COL20A1: variants seen among roughly 807,000 people sequenced by gnomAD.
COL20A1 encodes collagen alpha-1(XX) chain.
A neutral mutation model predicts 152.9 loss-of-function variants in COL20A1; 164 were observed. The ratio of observed to expected loss-of-function variants is 1.07; its 90% CI spans 0.94 to 1.22. COL20A1 has a LOEUF of 1.22. Among genes scored for constraint, COL20A1 ranks in the 50% most tolerant of loss-of-function variants. The pLI, the probability that COL20A1 is intolerant of heterozygous loss-of-function variation, is 0.00. For synonymous variants in COL20A1, 864 were observed against 756.0 expected, an observed-to-expected ratio of 1.14 and a Z score of -2.34; for missense variants, 1,873 against 1,744.8, an observed-to-expected ratio of 1.07 and a Z score of -1.31.
rs1053124151 is a variant in COL20A1 at position 63,319,770 on chromosome 20, G to A, written c.2916+174G>A. 1.1e-4 allele frequency among the ~76,000 whole-genome samples: 17 copies of A among 152,104 alleles called. 1 individual carries two copies. The highest frequency in any genetic ancestry group is 3.6e-4 in the African/African-American group (15 of 41,422). ...CCCCAGCTCTTCCATCTTAATTGGAGTTGAAGAGCCTCCCAGCCCATCTCT... is the reference window on the plus strand; with the variant it reads ...CCCCAGCTCTTCCATCTTAATTGGAATTGAAGAGCCTCCCAGCCCATCTCT... On this transcript the variant is annotated intron_variant, in intron 23 of 35. Coordinates refer to ENST00000358894, the MANE Select transcript of COL20A1 (RefSeq NM_020882.4). The surrounding 1 kb of genome is among the most constrained non-coding windows in gnomAD (Gnocchi z 4.4).
At chr20:63,314,272 C>A in intron 19 of COL20A1, 71 bp downstream of exon 19, 1 of 1,371,976 alleles carries the variant, frequency 7.3e-7, no homozygotes, top group Non-Finnish European at 1.0e-6. Context: ...CAGACCCTGC[C>A]AGCTCCAGAC....
intron 31 of COL20A1, 146 bp from the exon 32 acceptor site, chr20:63,327,806 T>A: frequency 2.5e-6 from 2 of 785,430 alleles, no homozygotes; most frequent in Non-Finnish European, 4.2e-6. Flanking sequence ...GCTCCTAGGA[T>A]CTGGGAATTT....
At chr20:63,307,214 T>C (rs1470196218) in intron 5 of COL20A1, among the ~76,000 whole-genome samples, 1 of 152,222 alleles carries the variant, frequency 6.6e-6, no homozygotes, top group Non-Finnish European at 1.5e-5. Flanking sequence ...CCTGGTGGGC[T>C]TCTGGGCCTG....
chr20:63,311,853 G>A lies in COL20A1; in HGVS notation c.1664-63G>A. 1.3e-6 allele frequency: 2 copies of A among 1,505,634 alleles called. No individual in the cohort carries two copies. The highest frequency in any genetic ancestry group is 1.8e-6 in the Non-Finnish European group (2 of 1,128,226). The allele number at this position is 1,505,634 out of a possible 1,614,324, so 93.3% of individuals were successfully genotyped here. A position where few individuals can be genotyped will look rare whatever the true frequency, so the allele number is the denominator to read the frequency against. On this transcript the variant is annotated intron_variant, in intron 13 of 35. Transcript: ENST00000358894. The surrounding 1 kb of genome is among the most constrained non-coding windows in gnomAD (Gnocchi z 4.4). ...TCAGGCCCCCTCGGTCCCAGCCACT[G>A]CCCACCCTTGCCCCTGCCATGGAGG...
intron 3 of COL20A1, among the ~76,000 whole-genome samples, chr20:63,302,307 GA>G (rs1351198936): frequency 1.3e-5 from 2 of 152,152 alleles, no homozygotes; most frequent in East Asian, 3.9e-4. Flanking sequence ...TTTCTAACTT[GA>G]TGCATGTCTT....
chr20:63,316,746 A>G, intron 21 of COL20A1, 55 bp downstream of exon 21: 5 of 1,229,120 alleles, frequency 4.1e-6, no homozygotes, highest in Non-Finnish European at 5.4e-6. Context: ...GCCGCTGAAG[A>G]TTAGGAGGAC....
intron 21 of COL20A1, among the ~76,000 whole-genome samples, chr20:63,317,123 AGTT>A (rs1235246768): frequency 6.6e-6 from 1 of 152,146 alleles, no homozygotes; most frequent in Non-Finnish European, 1.5e-5. Flanking sequence ...TACAGAGAAC[AGTT>A]GTTCATCGTG....
At chr20:63,300,520 A>G (rs2067851665) in intron 3 of COL20A1, among the ~76,000 whole-genome samples, 1 of 152,198 alleles carries the variant, frequency 6.6e-6, no homozygotes, top group African/African-American at 2.4e-5. Context: ...ATATTACCCC[A>G]TAGACTCTAT....
At position 63,309,400 on chromosome 20, in the gene COL20A1, C is replaced by T. The variant is rs780864336; in HGVS notation, c.1008C>T (p.His336=). The T allele has an allele frequency of 1.3e-6, 2 of 1,557,340 alleles. No individual in the cohort carries two copies. Among genetic ancestry groups the T allele is most frequent in the East Asian group, 2.4e-5 (1 of 41,524 alleles). ...LASPPRDITV[H]SVLDFLQLGA... ...CCCCGCCGAGGGACATCACCGTCCA[C>T]AGCGTGCTGGACTTCCTGCAGCTCG... The change falls in exon 9 of 36, where the codon CAC becomes CAT. Residue 336 remains histidine (H), a synonymous_variant. Transcript: ENST00000358894.
rs1367694608 is a variant in COL20A1 at position 63,319,511 on chromosome 20, TCCACCGTGACC to T, written c.2835_2845del (p.His945GlnfsTer45). ...GCCGGGAAGAAGTCCCTGACCTACTTCCACCGTGACCCCAGGGCTGCCTTGCAGGAGGCCAC... is the reference window on the plus strand; with the variant it reads ...GCCGGGAAGAAGTCCCTGACCTACTTCCAGGGCTGCCTTGCAGGAGGCCAC... On this transcript the variant is annotated frameshift_variant, in exon 23 of 36. Transcript: ENST00000358894. LOFTEE classifies it high-confidence loss of function. This position sits in a 1 kb window ranked among gnomAD's most constrained non-coding sequence, Gnocchi z 4.4. 4 of 1,590,256 alleles carry T rather than the reference TCCACCGTGACC, an allele frequency of 2.5e-6. No individual in the cohort carries two copies. Among genetic ancestry groups the T allele is most frequent in the Admixed American group, 1.7e-5 (1 of 57,178 alleles).
At position 63,320,143 on chromosome 20, in the gene COL20A1, C is replaced by T. The variant is rs968019528; in HGVS notation, c.3021C>T (p.Phe1007=). 3.0e-5 allele frequency: 47 copies of T among 1,549,848 alleles called. No individual in the cohort carries two copies. In the Admixed American group the frequency reaches 5.6e-4, roughly 19 times the overall value. Residue 1007 remains phenylalanine (F), a synonymous_variant, in exon 24 of 36, where the codon TTC becomes TTT. Transcript: ENST00000358894. ...GEMGSPPAAG[F]VTLGRLAKAR... ...TGGGCAGCCCACCCGCTGCGGGCTT[C>T]GTCACGCTGGGGAGGCTGGCCAAGG... is the stretch of plus-strand genomic sequence containing the variant.
chr20:63,315,450 C>G lies in COL20A1; in HGVS notation c.2524+11C>G. 6.4e-7 allele frequency: 1 copy of G among 1,566,212 alleles called. No individual in the cohort carries two copies. The highest frequency in any genetic ancestry group is 1.2e-5 in the South Asian group (1 of 85,390). On this transcript the variant is annotated intron_variant, in intron 20 of 35. Coordinates refer to ENST00000358894, the MANE Select transcript of COL20A1 (RefSeq NM_020882.4). ...ACGGCTCCCTCCCAGGTGGGTCCTG[C>G]ATGCCCTCCCCTGCCTGCCCACCCA... is the stretch of plus-strand genomic sequence containing the variant.
At chr20:63,315,294 A>G (rs2068069790) in intron 19 of COL20A1, 110 bp from the exon 20 acceptor site, 1 of 1,082,758 alleles carries the variant, frequency 9.2e-7, no homozygotes, top group Non-Finnish European at 1.4e-6. Flanking sequence ...ACCTATACAG[A>G]TGGAGCACAG....
At chr20:63,295,232 G>GAGA in intron 2 of COL20A1, 43 bp downstream of exon 2, 1 of 1,387,316 alleles carries the variant, frequency 7.2e-7, no homozygotes. Context: ...CCGAGGCCAC[G>GAGA]CCTGCCCCAC....
At chr20:63,316,772 G>A (rs1476753107) in intron 21 of COL20A1, 81 bp downstream of exon 21, 22 of 1,306,804 alleles carry the variant, frequency 1.7e-5, no homozygotes, top group Non-Finnish European at 2.0e-5. Flanking sequence ...GGGGGGGCGG[G>A]CATGGGCCGG....
chr20:63,312,477 A>G lies in COL20A1; in HGVS notation c.1861A>G (p.Thr621Ala), dbSNP rs2068021821. 1.2e-6 allele frequency: 2 copies of G among 1,607,796 alleles called. No individual in the cohort carries two copies. Among genetic ancestry groups the G allele is most frequent in the East Asian group, 2.2e-5 (1 of 44,728 alleles). ...GCTGGGGCCTCTCTCTTCCTCCACC[A>G]CCTACACTGTCCGTGTCACCTGCCT... ...ATLGPLSSST[T>A]YTVRVTCLYP... is the part of the protein sequence containing the mutation. The change falls in exon 15 of 36, where the codon ACC becomes GCC. Residue 621 changes from threonine (T) to alanine (A), a missense_variant. Coordinates refer to ENST00000358894, the MANE Select transcript of COL20A1 (RefSeq NM_020882.4).
Position 63,322,123 on chromosome 20 carries a change from G to A in COL20A1, c.3294+12G>A. On this transcript the variant is annotated intron_variant, in intron 27 of 35. Transcript: ENST00000358894. Reference sequence around the variant, plus strand: ...TCCCAGGGCCCAGGGTAAGTTTTGGGGAGCCCTGGGAGGTGAGGGGCCTGG... The same window carrying A: ...TCCCAGGGCCCAGGGTAAGTTTTGGAGAGCCCTGGGAGGTGAGGGGCCTGG... 6.7e-7 allele frequency: 1 copy of A among 1,495,496 alleles called. No homozygotes were observed. Among genetic ancestry groups the A allele is most frequent in the Middle Eastern group, 1.7e-4 (1 of 5,790 alleles). 92.6% of individuals were successfully genotyped at this position (1,495,496 alleles called of 1,614,324 possible).
In COL20A1 at chr20:63,312,041, G is replaced by A. The variant is rs1240843508; in HGVS notation, c.1789G>A (p.Gly597Arg). The A allele has an allele frequency of 3.2e-6, 5 of 1,585,012 alleles. No homozygotes were observed. The African/African-American group carries it at 6.8e-5, about 21-fold the overall frequency. ...VRVTYVSSEG[G>R]HSGQTEAPGN... is the part of the protein sequence containing the mutation. Reference sequence around the variant, plus strand: ...GGTCACCTATGTGTCCAGCGAGGGTGGACACTCGGGGCAGGTGAGAGCAGA... The same window carrying A: ...GGTCACCTATGTGTCCAGCGAGGGTAGACACTCGGGGCAGGTGAGAGCAGA... The change falls in exon 14 of 36, where the codon GGA becomes AGA. Residue 597 changes from glycine to arginine, a missense_variant. Transcript: ENST00000358894.
rs528668093 is a variant in COL20A1 at position 63,319,411 on chromosome 20, T to G, written c.2807-76T>G. On this transcript the variant is annotated intron_variant, in intron 22 of 35. Transcript: ENST00000358894. This position sits in a 1 kb window ranked among gnomAD's most constrained non-coding sequence, Gnocchi z 4.4. ...CCTCAGGGCTGCTCCTGTCCTGTCGTGGGGGCCGCCCTGCTCAAGGTATAG... is the reference window on the plus strand; with the variant it reads ...CCTCAGGGCTGCTCCTGTCCTGTCGGGGGGGCCGCCCTGCTCAAGGTATAG... 2.4e-6 allele frequency: 3 copies of G among 1,229,500 alleles called. No individual in the cohort carries two copies. The highest frequency in any genetic ancestry group is 1.5e-5 in the African/African-American group (1 of 66,532). The allele number at this position is 1,229,500 out of a possible 1,614,324, so 76.2% of individuals were successfully genotyped here. A position where few individuals can be genotyped will look rare whatever the true frequency, so the allele number is the denominator to read the frequency against.
Sources: allele counts gnomAD v4.1 joint callset (sites outside exome capture counted in the v4.1 genomes callset), GRCh38; gene constraint gnomAD v4.1.1; non-coding constraint Gnocchi (gnomAD v3.1); transcripts MANE v1.5; gene names NCBI Gene and HGNC (gene_info 2026-07-23, HGNC 2026-07-21).